Variants in DOCK3 observed in about 807,000 individuals in gnomAD.
DOCK3 encodes dedicator of cytokinesis protein 3.
A neutral mutation model predicts 265.6 loss-of-function variants in DOCK3; 60 were observed. The ratio of observed to expected loss-of-function variants is 0.23; its 90% confidence interval spans 0.18 to 0.28. The LOEUF (loss-of-function observed/expected upper bound fraction) is 0.28, where lower values mean the gene tolerates loss of function less well. Ranked by LOEUF, DOCK3 falls within the 10% of genes least tolerant of loss-of-function variation. The pLI is 1.00. For synonymous variants in DOCK3, 881 were observed against 938.0 expected, an observed-to-expected ratio of 0.94 and a Z score of 1.11; for missense variants, 1,981 against 2,594.3, an observed-to-expected ratio of 0.76 and a Z score of 5.14.
At chr3:50,701,838 A>G (rs1040402526) in intron 1 of DOCK3, among the ~76,000 whole-genome samples, 5 of 152,094 alleles carry the variant, frequency 3.3e-5, no homozygotes, top group Admixed American at 2.6e-4. Flanking sequence ...TCCCCAGTGT[A>G]TATTTTTGGC....
chr3:50,904,106 G>A (rs2049345246), intron 4 of DOCK3, among the ~76,000 whole-genome samples: 1 of 152,184 alleles, frequency 6.6e-6, no homozygotes, highest in South Asian at 2.1e-4. Context: ...CCTTTCTTAT[G>A]GCTGCATAGT....
At chr3:51,196,888 G>A (rs1162209615) in intron 12 of DOCK3, among the ~76,000 whole-genome samples, 2 of 152,040 alleles carry the variant, frequency 1.3e-5, no homozygotes, top group Non-Finnish European at 2.9e-5. Context: ...TCTATTTTTG[G>A]ATACTTATTA....
At chr3:51,082,223 G>C (rs910897390) in intron 7 of DOCK3, among the ~76,000 whole-genome samples, 1 of 151,934 alleles carries the variant, frequency 6.6e-6, no homozygotes, top group African/African-American at 2.4e-5. Context: ...GTACCACAGA[G>C]ACACCACAGC....
chr3:50,880,326 A>G lies in DOCK3; in HGVS notation c.163-9700A>G, dbSNP rs150334735. 8.5e-5 allele frequency among the ~76,000 whole-genome samples: 13 copies of G among 152,322 alleles called. No homozygotes were observed. The East Asian group carries it at 1.5e-3, about 18-fold the overall frequency. ...ACACAAAAAACCCTTCAAAAAATCA[A>G]TGAAGCCAGGAGCTGGTTTTTTGAA... On this transcript the variant is annotated intron_variant, in intron 3 of 52. Transcript: ENST00000266037.
chr3:51,277,812 A>T, intron 26 of DOCK3, 58 bp downstream of exon 26: 1 of 1,565,012 alleles, frequency 6.4e-7, no homozygotes, highest in South Asian at 1.2e-5. Flanking sequence ...GCTTCTCCAC[A>T]ACACTCCCCC....
intron 1 of DOCK3, among the ~76,000 whole-genome samples, chr3:50,711,419 G>A (rs1242526779): frequency 1.3e-5 from 2 of 151,716 alleles, no homozygotes; most frequent in East Asian, 1.9e-4. Flanking sequence ...CCGCCACCAC[G>A]CCTGGCTAAT....
intron 2 of DOCK3, among the ~76,000 whole-genome samples, chr3:50,818,806 G>A (rs1160539269): frequency 1.3e-5 from 2 of 152,164 alleles, no homozygotes; most frequent in Non-Finnish European, 2.9e-5. Context: ...TGGCAGTCAG[G>A]TGTCCTCAGA....
rs2088750775 is a variant in DOCK3, at chr3:51,382,941, G to A, written c.*1382G>A. 6.6e-6 allele frequency: 1 copy of A among 152,200 alleles called. No homozygotes were observed. Among genetic ancestry groups the A allele is most frequent in the African/African-American group, 2.4e-5 (1 of 41,396 alleles). 9.4% of individuals were successfully genotyped at this position (152,200 alleles called of 1,614,324 possible). A position where few individuals can be genotyped will look rare whatever the true frequency, so the allele number is the denominator to read the frequency against. On this transcript the variant is annotated 3_prime_UTR_variant, in exon 53 of 53. Coordinates refer to ENST00000266037, the MANE Select transcript of DOCK3 (RefSeq NM_004947.5). ...TAGTACTTTACCAGGGTGCTTTTAAGTTACTTTAAAAAAAGCCTACAAAAT... is the reference window on the plus strand; with the variant it reads ...TAGTACTTTACCAGGGTGCTTTTAAATTACTTTAAAAAAAGCCTACAAAAT...
chr3:50,734,436 A>C (rs935225820), intron 1 of DOCK3, among the ~76,000 whole-genome samples: 2 of 152,070 alleles, frequency 1.3e-5, no homozygotes, highest in Admixed American at 1.3e-4. Flanking sequence ...CAGGAGCTCA[A>C]GGCTGTAGTG....
chr3:51,318,332 T>C (rs2083484879), intron 32 of DOCK3, among the ~76,000 whole-genome samples: 1 of 152,172 alleles, frequency 6.6e-6, no homozygotes, highest in African/African-American at 2.4e-5. Flanking sequence ...TGATCTGAGA[T>C]CGCACCACTG....
At chr3:50,810,752 A>G (rs1318155020) in intron 2 of DOCK3, among the ~76,000 whole-genome samples, 2 of 152,202 alleles carry the variant, frequency 1.3e-5, no homozygotes, top group Non-Finnish European at 2.9e-5. Context: ...TTCCATTTAT[A>G]TGAAGTTCAA....
intron 5 of DOCK3, among the ~76,000 whole-genome samples, chr3:50,967,743 G>A (rs1575631559): frequency 6.6e-6 from 1 of 152,204 alleles, no homozygotes; most frequent in African/African-American, 2.4e-5. Context: ...CAGATCTCTT[G>A]AGAACTAACT....
intron 12 of DOCK3, among the ~76,000 whole-genome samples, chr3:51,175,033 C>A (rs1247402987): frequency 2.0e-5 from 3 of 152,188 alleles, no homozygotes; most frequent in Non-Finnish European, 4.4e-5. Flanking sequence ...TTGTGGCTCC[C>A]ACTGATTCCC....
intron 43 of DOCK3, 69 bp downstream of exon 43, chr3:51,356,562 T>G: frequency 6.7e-7 from 1 of 1,502,766 alleles, no homozygotes; most frequent in South Asian, 1.1e-5. Flanking sequence ...GGGGCCCTTC[T>G]CTAAGGACTA....
At chr3:51,332,115 G>A (rs2084559509) in intron 33 of DOCK3, among the ~76,000 whole-genome samples, 1 of 152,222 alleles carries the variant, frequency 6.6e-6, no homozygotes, top group South Asian at 2.1e-4. Flanking sequence ...TCAGGCTGTG[G>A]GTTTGAGTCC....
chr3:51,211,950 G>T (rs1182483594), intron 13 of DOCK3, among the ~76,000 whole-genome samples: 1 of 152,156 alleles, frequency 6.6e-6, no homozygotes, highest in Non-Finnish European at 1.5e-5. Flanking sequence ...TGTTGCCAAG[G>T]GACTGGGTGT....
At chr3:50,822,855 T>C (rs1009056717) in intron 2 of DOCK3, among the ~76,000 whole-genome samples, 2 of 152,214 alleles carry the variant, frequency 1.3e-5, no homozygotes, top group Non-Finnish European at 2.9e-5. Flanking sequence ...TGCCACTTAC[T>C]AATGACACTT....
chr3:50,927,932 T>G (rs1308712074), intron 4 of DOCK3, among the ~76,000 whole-genome samples: 1 of 152,032 alleles, frequency 6.6e-6, no homozygotes, highest in Non-Finnish European at 1.5e-5. Flanking sequence ...AGACGAGAGT[T>G]TTTCCACCTC....
chr3:51,292,837 C>T (rs2081863378), intron 27 of DOCK3, among the ~76,000 whole-genome samples: 1 of 150,494 alleles, frequency 6.6e-6, no homozygotes, highest in Non-Finnish European at 1.5e-5. Flanking sequence ...GCCACCACAC[C>T]CAGCTAATTT....
Sources: gnomAD v4.1 joint callset for allele counts (sites outside exome capture counted in the v4.1 genomes callset) on GRCh38, gnomAD v4.1.1 for gene constraint, MANE v1.5 for transcripts, NCBI Gene and HGNC (gene_info 2026-07-23, HGNC 2026-07-21) for gene names.